Variants in CHLSN observed in about 807,000 individuals in gnomAD.
The protein encoded by CHLSN is protein cholesin.
chr7:1,053,391 C>G, the CHLSN span, among the ~76,000 whole-genome samples: 1 of 152,256 alleles, frequency 6.6e-6, no homozygotes, highest in Non-Finnish European at 1.5e-5. Flanking sequence ...AGCTCAGTGA[C>G]AGGGAGCTGG....
the CHLSN span, chr7:987,511 G>A: frequency 6.5e-7 from 1 of 1,532,498 alleles, no homozygotes; most frequent in East Asian, 2.4e-5. Flanking sequence ...CACACAGCTG[G>A]GCGGCTTCCT....
chr7:1,051,984 GAAA>G, the CHLSN span, among the ~76,000 whole-genome samples: 1 of 152,174 alleles, frequency 6.6e-6, no homozygotes, highest in Non-Finnish European at 1.5e-5. Flanking sequence ...GCTCCAAACA[GAAA>G]AATAAAAACA....
chr7:1,025,539 A>T, the CHLSN span: 3 of 151,846 alleles, frequency 2.0e-5, no homozygotes, highest in Non-Finnish European at 4.4e-5. Flanking sequence ...TCAGCTGAGG[A>T]CCCCCCAGTG....
the CHLSN span, chr7:983,479 G>A: frequency 8.0e-7 from 1 of 1,248,578 alleles, no homozygotes; most frequent in Non-Finnish European, 1.0e-6. Flanking sequence ...TCCACTGCCT[G>A]TTCCCACATG....
At chr7:1,063,059 C>T in the CHLSN span, among the ~76,000 whole-genome samples, 1 of 152,124 alleles carries the variant, frequency 6.6e-6, no homozygotes, top group Non-Finnish European at 1.5e-5. Context: ...ATCTGACCTG[C>T]CCCCTCCGTT....
the CHLSN span, among the ~76,000 whole-genome samples, chr7:1,040,182 T>TAAAAAAAAAA: frequency 6.2e-5 from 6 of 96,056 alleles, no homozygotes; most frequent in Non-Finnish European, 8.8e-5. Flanking sequence ...AAAAATAAAT[T>TAAAAAAAAAA]TAAAAAAAAA....
chr7:1,122,895 G>C, the CHLSN span, among the ~76,000 whole-genome samples: 1 of 152,180 alleles, frequency 6.6e-6, no homozygotes, highest in Non-Finnish European at 1.5e-5. Context: ...GGACAGAAGC[G>C]GCAGGTGCCA....
the CHLSN span, among the ~76,000 whole-genome samples, chr7:1,115,747 GGAT>G: frequency 1.7e-5 from 2 of 120,868 alleles, no homozygotes; most frequent in Non-Finnish European, 3.6e-5. Flanking sequence ...CGCCCACGCA[GGAT>G]GATGACATCA....
At chr7:979,384 C>A in the CHLSN span, among the ~76,000 whole-genome samples, 1 of 152,130 alleles carries the variant, frequency 6.6e-6, no homozygotes, top group South Asian at 2.1e-4. Context: ...ATTACAGCCA[C>A]TGATCCTGTC....
At chr7:1,053,455 G>A in the CHLSN span, among the ~76,000 whole-genome samples, 1 of 152,222 alleles carries the variant, frequency 6.6e-6, no homozygotes, top group Non-Finnish European at 1.5e-5. Flanking sequence ...CAGGAGAGGT[G>A]GGAACACTGG....
the CHLSN span, among the ~76,000 whole-genome samples, chr7:1,018,355 C>T: frequency 4.6e-5 from 7 of 152,232 alleles, no homozygotes; most frequent in Non-Finnish European, 1.0e-4. Flanking sequence ...GCATTGTACA[C>T]GTGGAGCCAT....
chr7:1,002,929 AGGGAGTCCTGTGGG>A, the CHLSN span, among the ~76,000 whole-genome samples: 15 of 27,418 alleles, frequency 5.5e-4, no homozygotes, highest in African/African-American at 2.2e-3. Context: ...TCCTGTGGGT[AGGGAGTCCTGTGGG>A]TGAGTGGAGT....
the CHLSN span, among the ~76,000 whole-genome samples, chr7:1,083,239 G>A: frequency 6.6e-6 from 1 of 152,262 alleles, no homozygotes; most frequent in African/African-American, 2.4e-5. Context: ...GCAGCCGCAC[G>A]CGCCTTCAGT....
chr7:1,002,227 G>A, the CHLSN span, among the ~76,000 whole-genome samples: 1 of 119,160 alleles, frequency 8.4e-6, no homozygotes, highest in African/African-American at 3.4e-5. Context: ...TCCTGCGGGT[G>A]AGTGGAGTCC....
chr7:1,058,199 GC>G, the CHLSN span: 1 of 746,944 alleles, frequency 1.3e-6, no homozygotes. Context: ...GCCGGCTGGA[GC>G]CCTCGGCACA....
At chr7:1,068,656 C>T in the CHLSN span, among the ~76,000 whole-genome samples, 23 of 152,220 alleles carry the variant, frequency 1.5e-4, no homozygotes, top group African/African-American at 3.4e-4. Flanking sequence ...TTCCCCCCAA[C>T]GCTTAGTTGC....
At chr7:1,070,856 ATGCACACGGGTGCGCACACGTGCACATG>A in the CHLSN span, among the ~76,000 whole-genome samples, 3 of 147,238 alleles carry the variant, frequency 2.0e-5, no homozygotes, top group Non-Finnish European at 4.5e-5. Flanking sequence ...GCACACGGAC[ATGCACACGGGTGCGCACACGTGCACATG>A]CACACACGTG....
the CHLSN span, among the ~76,000 whole-genome samples, chr7:1,037,451 G>C: frequency 7.9e-6 from 1 of 125,920 alleles, no homozygotes; most frequent in African/African-American, 3.0e-5. Flanking sequence ...TCGCTGTGTT[G>C]GCCGGGCCGG....
the CHLSN span, among the ~76,000 whole-genome samples, chr7:1,080,357 C>T: frequency 3.3e-5 from 5 of 152,360 alleles, no homozygotes; most frequent in East Asian, 1.9e-4. Flanking sequence ...TGCTCAGTGG[C>T]GAGCAGCCAC....
Sources: gnomAD v4.1 joint callset for allele counts (sites outside exome capture counted in the v4.1 genomes callset) on GRCh38, gnomAD v4.1.1 for gene constraint, MANE v1.5 for transcripts, NCBI Gene and HGNC (gene_info 2026-07-23, HGNC 2026-07-21) for gene names.